The following CA12 variants were observed in gnomAD, a reference collection of about 807,000 sequenced individuals.
CA12 encodes the protein carbonic anhydrase 12, also known as carbonate dehydratase XII.
CA12 carries 36 observed loss-of-function variants against 46.8 expected under a neutral mutation model. The observed-to-expected ratio is 0.77, with a 90% confidence interval of 0.59 to 1.02. CA12 has a LOEUF of 1.02. Among genes scored for constraint, CA12 ranks in the 50% least tolerant of loss-of-function variants. The pLI is 0.00. For missense variants in CA12, 436 were observed against 451.4 expected (o/e 0.97, Z 0.31); for synonymous variants, 202 against 187.0 (o/e 1.08, Z -0.65).
chr15:63,378,478 G>T lies in CA12; in HGVS notation c.86-2800C>A, dbSNP rs925117046. Among the ~76,000 whole-genome samples, 3 of 152,112 alleles carry T rather than the reference G, an allele frequency of 2.0e-5. No individual in the cohort carries two copies. Among genetic ancestry groups the T allele is most frequent in the African/African-American group, 4.8e-5 (2 of 41,392 alleles). Reference sequence around the variant, plus strand: ...CAGACTCCCCTGAAACCAGCTATGGGTGCATTGAGAGTTGAGGGTCCCAAG... The same window carrying T: ...CAGACTCCCCTGAAACCAGCTATGGTTGCATTGAGAGTTGAGGGTCCCAAG... On this transcript the variant is annotated intron_variant, in intron 1 of 10. Coordinates refer to ENST00000178638, the MANE Select transcript of CA12 (RefSeq NM_001218.5). This position sits in a 1 kb window ranked among gnomAD's most constrained non-coding sequence, Gnocchi z 4.8.
At chr15:63,346,430 T>C in intron 3 of CA12, 100 bp downstream of exon 3, 1 of 688,112 alleles carries the variant, frequency 1.5e-6, no homozygotes, top group South Asian at 1.5e-5. Context: ...TCCTCCTGGA[T>C]GCTTCCACGG....
chr15:63,367,996 C>T (rs1049938476), intron 2 of CA12, among the ~76,000 whole-genome samples: 1 of 152,208 alleles, frequency 6.6e-6, no homozygotes, highest in Admixed American at 6.5e-5. Flanking sequence ...ATCATACTTA[C>T]GTGCTGTGTC....
chr15:63,365,813 C>T (rs146931310), intron 2 of CA12, among the ~76,000 whole-genome samples: 110 of 152,280 alleles, frequency 7.2e-4, no homozygotes, highest in African/African-American at 2.6e-3. Context: ...TCCTAAAATG[C>T]TAATCCCAGT....
At chr15:63,368,880 C>A (rs2152625649) in intron 2 of CA12, among the ~76,000 whole-genome samples, 1 of 152,354 alleles carries the variant, frequency 6.6e-6, no homozygotes, top group African/African-American at 2.4e-5. Flanking sequence ...CAAGTTTCTT[C>A]CTAGGCTCAG....
chr15:63,363,626 C>T (rs2039395351), intron 2 of CA12, among the ~76,000 whole-genome samples: 3 of 152,226 alleles, frequency 2.0e-5, no homozygotes, highest in African/African-American at 7.2e-5. Flanking sequence ...ATTGATTAAA[C>T]AATTCAGCAG....
intron 2 of CA12, among the ~76,000 whole-genome samples, chr15:63,353,710 T>G (rs146364974): frequency 1.8e-3 from 267 of 152,066 alleles, no homozygotes; most frequent in African/African-American, 6.2e-3. Flanking sequence ...GGTGTCTGCA[T>G]GTAAAAGCCA....
In CA12 at chr15:63,381,618, A is replaced by C. The variant is rs1482341733; in HGVS notation, c.85+18T>G. 1 of 1,605,040 alleles carries C rather than the reference A, an allele frequency of 6.2e-7. No individual in the cohort carries two copies. The highest frequency in any genetic ancestry group is 1.3e-5 in the African/African-American group (1 of 74,730). On this transcript the variant is annotated intron_variant, in intron 1 of 10. Coordinates refer to ENST00000178638, the MANE Select transcript of CA12 (RefSeq NM_001218.5). Reference sequence around the variant, plus strand: ...GAGCGCTCAGGAGTGTTAGGAAAGAAGCAGGCGGAAACTTTACCGTTCACT... The same window carrying C: ...GAGCGCTCAGGAGTGTTAGGAAAGACGCAGGCGGAAACTTTACCGTTCACT...
At position 63,345,157 on chromosome 15, in the gene CA12, G is replaced by T. The variant is rs1422452572; in HGVS notation, c.429+320C>A. On this transcript the variant is annotated intron_variant, in intron 4 of 10. Transcript: ENST00000178638. This position sits in a 1 kb window ranked among gnomAD's most constrained non-coding sequence, Gnocchi z 4.3. The stretch of plus-strand genomic sequence containing the variant: ...TCAGCAGGAGATTTTTATCTGCACA[G>T]ATAGGAAGGCAATGTCTAAAAGAAG... 6.6e-6 allele frequency among the ~76,000 whole-genome samples: 1 copy of T among 152,226 alleles called. No individual in the cohort carries two copies. The highest frequency in any genetic ancestry group is 1.9e-4 in the East Asian group (1 of 5,200).
Position 63,372,142 on chromosome 15 carries a change from C to G in CA12, c.106+3516G>C, listed in dbSNP as rs2039516005. Among the ~76,000 whole-genome samples the G allele has an allele frequency of 6.6e-6, 1 of 152,222 alleles. No individual in the cohort carries two copies. The highest frequency in any genetic ancestry group is 1.5e-5 in the Non-Finnish European group (1 of 68,052). On this transcript the variant is annotated intron_variant, in intron 2 of 10. Coordinates refer to ENST00000178638, the MANE Select transcript of CA12 (RefSeq NM_001218.5). This position sits in a 1 kb window ranked among gnomAD's most constrained non-coding sequence, Gnocchi z 4.5. ...GCACATATTCTGATACCTTAGCAGG[C>G]TGGAGTTTGTCCTTAGCTCACATGA...
intron 2 of CA12, among the ~76,000 whole-genome samples, chr15:63,356,285 C>T (rs772048405): frequency 2.0e-5 from 3 of 152,028 alleles, no homozygotes. Flanking sequence ...CCCAGCTACT[C>T]GGGAGGCTGA....
At chr15:63,380,094 C>G (rs1238854294) in intron 1 of CA12, among the ~76,000 whole-genome samples, 1 of 152,172 alleles carries the variant, frequency 6.6e-6, no homozygotes. Context: ...GACCTGTCCT[C>G]TAAGGCAGTT....
rs1595778918 is a variant in CA12 at position 63,339,913 on chromosome 15, A to T, written c.747+375T>A. 3.0e-6 allele frequency: 1 copy of T among 333,610 alleles called. No homozygotes were observed. The highest frequency in any genetic ancestry group is 8.1e-5 in the East Asian group (1 of 12,308). The allele number at this position is 333,610 out of a possible 1,614,324, so 20.7% of individuals were successfully genotyped here. On this transcript the variant is annotated intron_variant, in intron 7 of 10. Transcript: ENST00000178638. The surrounding 1 kb of genome is among the most constrained non-coding windows in gnomAD (Gnocchi z 4.3). ...TTCTTGGGGGCAGGGACCCTCACTT[A>T]GTCATTGCTGCAATCCCATCTCTTA...
chr15:63,345,509 G>C lies in CA12; in HGVS notation c.397C>G (p.His133Asp). 1 of 1,611,448 alleles carries C rather than the reference G, an allele frequency of 6.2e-7. No homozygotes were observed. ...GNPNDPHGSE[H>D]TVSGQHFAAE... is the part of the protein sequence containing the mutation. The stretch of plus-strand genomic sequence containing the variant: ...GCGAAGTGCTGTCCGCTGACGGTGT[G>C]CTCAGAGCCGTGCGGGTCATTCGGG... Residue 133 changes from histidine to aspartate, a missense_variant, in exon 4 of 11, where the codon CAC (histidine) becomes GAC (aspartate). Transcript: ENST00000178638. The surrounding 1 kb of genome is among the most constrained non-coding windows in gnomAD (Gnocchi z 4.3).
chr15:63,350,301 T>C (rs2039211868), intron 2 of CA12, among the ~76,000 whole-genome samples: 1 of 152,220 alleles, frequency 6.6e-6, no homozygotes, highest in African/African-American at 2.4e-5. Context: ...GACTGCACAG[T>C]GCTGGCCTTA....
rs1567037282 is a variant in CA12 at position 63,321,437 on chromosome 15, T to C, written c.*4848A>G. The C allele has an allele frequency of 1.3e-5, 2 of 152,238 alleles. No homozygotes were observed. Among genetic ancestry groups the C allele is most frequent in the Admixed American group, 6.5e-5 (1 of 15,290 alleles). 9.4% of individuals were successfully genotyped at this position (152,238 alleles called of 1,614,324 possible). ...ATACAGCAAAGTAATCTGGCCCTTATCTCTGCCCAGTCATTCTATAATGAA... is the reference window on the plus strand; with the variant it reads ...ATACAGCAAAGTAATCTGGCCCTTACCTCTGCCCAGTCATTCTATAATGAA... On this transcript the variant is annotated 3_prime_UTR_variant, in exon 11 of 11. Coordinates refer to ENST00000178638, the MANE Select transcript of CA12 (RefSeq NM_001218.5). This position sits in a 1 kb window ranked among gnomAD's most constrained non-coding sequence, Gnocchi z 4.5.
chr15:63,381,604 AGTGT>A (rs2039646132), intron 1 of CA12, 28 bp downstream of exon 1: 1 of 1,581,016 alleles, frequency 6.3e-7, no homozygotes, highest in Non-Finnish European at 8.7e-7. Context: ...AGCGCTCAGG[AGTGT>A]TAGGAAAGAA....
chr15:63,327,225 G>A lies in CA12; in HGVS notation c.916C>T (p.Leu306Phe), dbSNP rs757672867. The A allele has an allele frequency of 1.9e-6, 3 of 1,613,670 alleles. No individual in the cohort carries two copies. Among genetic ancestry groups the A allele is most frequent in the Non-Finnish European group, 2.5e-6 (3 of 1,179,796 alleles). ...AGAATGCCAGCCAGGGCCAGTGAGA[G>A]GATGATGCCTGGTGAAGAGGTAGAG... Reference protein sequence around the residue: ...TAAGLSLGIILSLALAGILGI... With the variant: ...TAAGLSLGIIFSLALAGILGI... Residue 306 changes from leucine to phenylalanine, a missense_variant, in exon 10 of 11, where the codon CTC becomes TTC. Transcript: ENST00000178638. The surrounding 1 kb of genome is among the most constrained non-coding windows in gnomAD (Gnocchi z 4.5).
chr15:63,329,414 A>C lies in CA12; in HGVS notation c.875-1284T>G, dbSNP rs1481258923. On this transcript the variant is annotated intron_variant, in intron 8 of 10. Transcript: ENST00000178638. The surrounding 1 kb of genome is among the most constrained non-coding windows in gnomAD (Gnocchi z 4.8). Reference sequence around the variant, plus strand: ...AGAATCCATTGTCTTGAGTGAGCAGAGGATCCCAGTCATGAAGTCTCCCCT... The same window carrying C: ...AGAATCCATTGTCTTGAGTGAGCAGCGGATCCCAGTCATGAAGTCTCCCCT... 6.6e-6 allele frequency among the ~76,000 whole-genome samples: 1 copy of C among 152,190 alleles called. No individual in the cohort carries two copies. The highest frequency in any genetic ancestry group is 2.4e-5 in the African/African-American group (1 of 41,444).
At chr15:63,371,463 G>C (rs1056483377) in intron 2 of CA12, among the ~76,000 whole-genome samples, 14 of 152,174 alleles carry the variant, frequency 9.2e-5, no homozygotes, top group African/African-American at 3.4e-4. Context: ...AGCATGTGCG[G>C]CCACAGCCAC....
Sources: allele counts gnomAD v4.1 joint callset (sites outside exome capture counted in the v4.1 genomes callset), GRCh38; gene constraint gnomAD v4.1.1; non-coding constraint Gnocchi (gnomAD v3.1); transcripts MANE v1.5; gene names NCBI Gene and HGNC (gene_info 2026-07-23, HGNC 2026-07-21).